TMEM135: variants seen among roughly 807,000 people sequenced by gnomAD.
The protein encoded by TMEM135 is transmembrane protein 135, also known as peroxisomal membrane protein 52.
In TMEM135, 30 loss-of-function variants were observed where a neutral mutation model predicts 60.3. That is an observed-to-expected ratio of 0.50 (90% CI 0.37 to 0.68). The LOEUF is 0.68. Among genes scored for constraint, TMEM135 ranks in the 30% least tolerant of loss-of-function variants. TMEM135 has a pLI of 0.00. For synonymous variants in TMEM135, 190 were observed against 186.7 expected (o/e 1.02, Z -0.14); for missense variants, 468 against 548.8 (o/e 0.85, Z 1.47).
At chr11:87,237,770 T>C (rs1040127603) in intron 6 of TMEM135, among the ~76,000 whole-genome samples, 3 of 151,922 alleles carry the variant, frequency 2.0e-5, no homozygotes, top group African/African-American at 7.2e-5. Context: ...GGTCTCATTC[T>C]TTCTTTTCCT....
chr11:87,168,457 C>A (rs1362092258), intron 5 of TMEM135, among the ~76,000 whole-genome samples: 1 of 152,098 alleles, frequency 6.6e-6, no homozygotes, highest in African/African-American at 2.4e-5. Flanking sequence ...TATAAATTTC[C>A]CTCTAAAGAC....
chr11:87,291,116 T>C (rs992846720), intron 6 of TMEM135, among the ~76,000 whole-genome samples: 1 of 152,216 alleles, frequency 6.6e-6, no homozygotes, highest in African/African-American at 2.4e-5. Flanking sequence ...ATTTAAATAC[T>C]ACATATAAAC....
At chr11:87,141,345 AT>A (rs2135245700) in intron 4 of TMEM135, among the ~76,000 whole-genome samples, 1 of 152,100 alleles carries the variant, frequency 6.6e-6, no homozygotes, top group African/African-American at 2.4e-5. Context: ...TTGTATTCTA[AT>A]GGAATGGAAA....
At position 87,284,977 on chromosome 11, in the gene TMEM135, C is replaced by T. The variant is rs943720355; in HGVS notation, c.510-10805C>T. ...GTATATAAGCCATGTAATCTATTAACCACACACTACAAGTTTTGCATAGTA... is the reference window on the plus strand; with the variant it reads ...GTATATAAGCCATGTAATCTATTAATCACACACTACAAGTTTTGCATAGTA... On this transcript the variant is annotated intron_variant, in intron 6 of 14. Coordinates refer to ENST00000305494, the MANE Select transcript of TMEM135 (RefSeq NM_022918.4). Among the ~76,000 whole-genome samples the T allele has an allele frequency of 5.3e-5, 8 of 152,116 alleles. No homozygotes were observed. In the East Asian group the frequency reaches 1.5e-3, roughly 29 times the overall value.
At chr11:87,085,692 A>G (rs1430051306) in intron 3 of TMEM135, among the ~76,000 whole-genome samples, 2 of 152,072 alleles carry the variant, frequency 1.3e-5, no homozygotes, top group East Asian at 3.9e-4. Flanking sequence ...GGGAGGTGGA[A>G]GTTTCAGTGA....
At chr11:87,298,386 T>C (rs1395405246) in intron 7 of TMEM135, among the ~76,000 whole-genome samples, 1 of 152,170 alleles carries the variant, frequency 6.6e-6, no homozygotes. Context: ...AAACATACAT[T>C]GTTCTCTCAG....
At chr11:87,236,770 A>G (rs1941005809) in intron 6 of TMEM135, 86 bp downstream of exon 6, 2 of 1,323,576 alleles carry the variant, frequency 1.5e-6, no homozygotes, top group Non-Finnish European at 2.2e-6. Flanking sequence ...AGTATTCTCC[A>G]AATAATTATC....
At chr11:87,249,031 C>A (rs1278445363) in intron 6 of TMEM135, among the ~76,000 whole-genome samples, 1 of 152,060 alleles carries the variant, frequency 6.6e-6, no homozygotes, top group African/African-American at 2.4e-5. Context: ...CCATGTCTAT[C>A]ATCTGCAAAG....
At position 87,328,480 on chromosome 11, in the gene TMEM135, C is replaced by A; in HGVS notation, c.*7147C>A. The A allele has an allele frequency of 2.2e-6, 1 of 454,060 alleles. No homozygotes were observed. The highest frequency in any genetic ancestry group is 1.6e-5 in the South Asian group (1 of 64,472). The allele number at this position is 454,060 out of a possible 1,614,324, so 28.1% of individuals were successfully genotyped here. Reference sequence around the variant, plus strand: ...TCACCAGAATAGTGTGCATTGTACCCAATATATAGCTTTTTATTCCTTCCC... The same window carrying A: ...TCACCAGAATAGTGTGCATTGTACCAAATATATAGCTTTTTATTCCTTCCC... On this transcript the variant is annotated 3_prime_UTR_variant, in exon 15 of 15. Transcript: ENST00000305494.
chr11:87,181,641 G>C (rs913795021), intron 5 of TMEM135, among the ~76,000 whole-genome samples: 1 of 152,100 alleles, frequency 6.6e-6, no homozygotes, highest in Non-Finnish European at 1.5e-5. Flanking sequence ...TGATGAAACT[G>C]TTCGGCATAG....
At position 87,112,265 on chromosome 11, in the gene TMEM135, C is replaced by T. The variant is rs148727059; in HGVS notation, c.396+20870C>T. Reference sequence around the variant, plus strand: ...GTCTAGAAGGTAAGCATTACTTGTACTTTTAGGAATTAAATTATTCAAGTG... The same window carrying T: ...GTCTAGAAGGTAAGCATTACTTGTATTTTTAGGAATTAAATTATTCAAGTG... On this transcript the variant is annotated intron_variant, in intron 4 of 14. Coordinates refer to ENST00000305494, the MANE Select transcript of TMEM135 (RefSeq NM_022918.4). 3.9e-3 allele frequency among the ~76,000 whole-genome samples: 590 copies of T among 152,214 alleles called. 2 individuals carry two copies. Among genetic ancestry groups the T allele is most frequent in the African/African-American group, 0.014 (568 of 41,536 alleles).
rs186304408 is a variant in TMEM135 at position 87,120,252 on chromosome 11, A to G, written c.396+28857A>G. Among the ~76,000 whole-genome samples, 798 of 151,222 alleles carry G rather than the reference A, an allele frequency of 5.3e-3. 35 individuals are homozygous for G. Among genetic ancestry groups the G allele is most frequent in the Non-Finnish European group, 7.8e-4 (53 of 67,822 alleles). On this transcript the variant is annotated intron_variant, in intron 4 of 14. Coordinates refer to ENST00000305494, the MANE Select transcript of TMEM135 (RefSeq NM_022918.4). Reference sequence around the variant, plus strand: ...GTAGCTGGGACCACAGGCATGCACCACTATGACCAGCTAATTTTTTAATTT... The same window carrying G: ...GTAGCTGGGACCACAGGCATGCACCGCTATGACCAGCTAATTTTTTAATTT...
At chr11:87,319,525 C>CATT in intron 14 of TMEM135, 148 bp downstream of exon 14, 1 of 640,042 alleles carries the variant, frequency 1.6e-6, no homozygotes, top group East Asian at 2.8e-5. Flanking sequence ...TTTGAGTGAG[C>CATT]ATTATTCTGA....
intron 6 of TMEM135, among the ~76,000 whole-genome samples, chr11:87,256,916 TTG>T (rs1372363788): frequency 6.6e-6 from 1 of 151,846 alleles, no homozygotes; most frequent in Non-Finnish European, 1.5e-5. Context: ...TTCCACACAT[TTG>T]TGTGTGTGTA....
At chr11:87,292,175 C>T (rs922525866) in intron 6 of TMEM135, among the ~76,000 whole-genome samples, 1 of 152,234 alleles carries the variant, frequency 6.6e-6, no homozygotes, top group Non-Finnish European at 1.5e-5. Flanking sequence ...CTTAACCATA[C>T]TGTGTAAAGT....
chr11:87,120,468 A>ATTTTT (rs1555106504), intron 4 of TMEM135, among the ~76,000 whole-genome samples: 5 of 77,234 alleles, frequency 6.5e-5, no homozygotes, highest in Non-Finnish European at 7.8e-5. Context: ...ATGAGATGAA[A>ATTTTT]TTTCTTTTTT....
At chr11:87,202,721 A>G (rs948971303) in intron 5 of TMEM135, among the ~76,000 whole-genome samples, 1 of 143,270 alleles carries the variant, frequency 7.0e-6, no homozygotes, top group Non-Finnish European at 1.5e-5. Context: ...GAATTTTTTT[A>G]AAAGACTTTA....
At chr11:87,191,806 A>G (rs948591895) in intron 5 of TMEM135, among the ~76,000 whole-genome samples, 2 of 152,088 alleles carry the variant, frequency 1.3e-5, no homozygotes, top group Non-Finnish European at 2.9e-5. Context: ...CACTTTAAAG[A>G]CATAACTTAG....
intron 5 of TMEM135, among the ~76,000 whole-genome samples, chr11:87,202,200 A>G (rs190109812): frequency 2.1e-3 from 319 of 152,100 alleles, no homozygotes; most frequent in African/African-American, 6.4e-3. Context: ...TAATTTTTGT[A>G]TTTTTAGTAG....
Sources: gnomAD v4.1 joint callset for allele counts (sites outside exome capture counted in the v4.1 genomes callset) on GRCh38, gnomAD v4.1.1 for gene constraint, MANE v1.5 for transcripts, NCBI Gene and HGNC (gene_info 2026-07-23, HGNC 2026-07-21) for gene names.